NWD1: variants seen among roughly 807,000 people sequenced by gnomAD.
NWD1 encodes NACHT domain- and WD repeat-containing protein 1.
A neutral mutation model predicts 135.1 loss-of-function variants in NWD1; 129 were observed. The ratio of observed to expected loss-of-function variants is 0.96; its 90% CI spans 0.83 to 1.11. The LOEUF is 1.11. Among genes scored for constraint, NWD1 ranks in the 50% least tolerant of loss-of-function variants. NWD1 has a pLI of 0.00. For missense variants in NWD1, 1,740 were observed against 1,851.3 expected (o/e 0.94, Z 1.10); for synonymous variants, 773 against 786.0 (o/e 0.98, Z 0.28).
chr19:16,731,109 A>G (rs1967541943), intron 2 of NWD1, 83 bp from the exon 3 acceptor site: 1 of 715,338 alleles, frequency 1.4e-6, no homozygotes, highest in Middle Eastern at 2.4e-4. Flanking sequence ...ACAAAAGTAA[A>G]TCAATAAAAT....
Position 16,800,027 on chromosome 19 carries a change from G to T in NWD1, c.3601G>T (p.Asp1201Tyr). 6.2e-7 allele frequency: 1 copy of T among 1,614,212 alleles called. No individual in the cohort carries two copies. Among genetic ancestry groups the T allele is most frequent in the Non-Finnish European group, 8.5e-7 (1 of 1,180,038 alleles). The change falls in exon 17 of 19, where the codon GAT (aspartate) becomes TAT (tyrosine). Residue 1201 changes from aspartate to tyrosine, a missense_variant. Coordinates refer to ENST00000524140, the MANE Select transcript of NWD1 (RefSeq NM_001007525.5). ...SSSFKVWDLS[D>Y]AHRSRVPAPF... ...ATCTTTCAAGGTCTGGGATCTCAGCGATGCTCATAGGTCCCGGGTGCCTGC... is the reference window on the plus strand; with the variant it reads ...ATCTTTCAAGGTCTGGGATCTCAGCTATGCTCATAGGTCCCGGGTGCCTGC...
intron 6 of NWD1, among the ~76,000 whole-genome samples, chr19:16,752,459 C>T (rs1338890059): frequency 6.6e-6 from 1 of 151,764 alleles, no homozygotes; most frequent in Non-Finnish European, 1.5e-5. Context: ...AGTTTGAGAC[C>T]AGCCTAGACA....
At chr19:16,744,861 GA>G in intron 5 of NWD1, 143 bp downstream of exon 5, 2 of 720,996 alleles carry the variant, frequency 2.8e-6, no homozygotes, top group Non-Finnish European at 4.8e-6. Flanking sequence ...TCGGCTCTGA[GA>G]AAGGCTGTTT....
At chr19:16,803,345 C>G (rs1291389109) in intron 17 of NWD1, among the ~76,000 whole-genome samples, 1 of 152,032 alleles carries the variant, frequency 6.6e-6, no homozygotes, top group Non-Finnish European at 1.5e-5. Context: ...TAGACAGGCC[C>G]CAGCTCCTAA....
intron 7 of NWD1, 141 bp downstream of exon 7, chr19:16,759,569 T>C (rs1968931024): frequency 2.0e-5 from 13 of 660,130 alleles, no homozygotes; most frequent in Middle Eastern, 4.1e-4. Context: ...TCTGACACAA[T>C]TCACTTATTT....
chr19:16,809,161 C>T (rs1239969923), intron 18 of NWD1, among the ~76,000 whole-genome samples: 1 of 151,638 alleles, frequency 6.6e-6, no homozygotes, highest in African/African-American at 2.4e-5. Context: ...GCCATCTCAG[C>T]TCACTGCAGC....
intron 6 of NWD1, among the ~76,000 whole-genome samples, chr19:16,754,952 A>T (rs1968732061): frequency 2.6e-5 from 4 of 152,198 alleles, no homozygotes; most frequent in Admixed American, 2.6e-4. Context: ...TGTCCCATCG[A>T]TAAATATGTA....
At chr19:16,740,140 A>G (rs936504044) in intron 4 of NWD1, among the ~76,000 whole-genome samples, 1 of 151,744 alleles carries the variant, frequency 6.6e-6, no homozygotes, top group Non-Finnish European at 1.5e-5. Flanking sequence ...CTAAAAAAAA[A>G]AAAAGAACAG....
At chr19:16,740,496 T>C (rs1335344435) in intron 4 of NWD1, among the ~76,000 whole-genome samples, 1 of 151,852 alleles carries the variant, frequency 6.6e-6, no homozygotes, top group Non-Finnish European at 1.5e-5. Context: ...CTACCACACC[T>C]GGCTAATTTT....
intron 14 of NWD1, among the ~76,000 whole-genome samples, chr19:16,791,993 C>T (rs1311721919): frequency 6.6e-6 from 1 of 152,178 alleles, no homozygotes; most frequent in Non-Finnish European, 1.5e-5. Context: ...GGATTACAGG[C>T]ATGAGCCACC....
chr19:16,795,483 CT>C (rs1188845961), intron 15 of NWD1, among the ~76,000 whole-genome samples: 1 of 145,170 alleles, frequency 6.9e-6, no homozygotes, highest in African/African-American at 2.6e-5. Flanking sequence ...GTGGTATGAT[CT>C]CAGCTCACTG....
At position 16,817,210 on chromosome 19, in the gene NWD1, G is replaced by T. The variant is rs1436593535; in HGVS notation, c.*2171G>T. On this transcript the variant is annotated 3_prime_UTR_variant, in exon 19 of 19. Transcript: ENST00000524140. ...AGTTACTCAGGAGGCTGAGTCAGGA[G>T]AATCACTTGAACCCGGGAGGCGGAG... 1 of 152,286 alleles carries T rather than the reference G, an allele frequency of 6.6e-6. No homozygotes were observed. The highest frequency in any genetic ancestry group is 1.5e-5 in the Non-Finnish European group (1 of 68,126). 9.4% of individuals were successfully genotyped at this position (152,286 alleles called of 1,614,324 possible).
intron 17 of NWD1, among the ~76,000 whole-genome samples, chr19:16,807,183 AAAAAG>A (rs1327125232): frequency 2.0e-5 from 3 of 151,384 alleles, no homozygotes; most frequent in South Asian, 2.1e-4. Flanking sequence ...AAAAAAAAAA[AAAAAG>A]AAAGAAAGAA....
chr19:16,796,952 G>A (rs1970435252), intron 15 of NWD1, among the ~76,000 whole-genome samples: 1 of 152,134 alleles, frequency 6.6e-6, no homozygotes, highest in Non-Finnish European at 1.5e-5. Context: ...TCCGAGGTGG[G>A]CGGATCACTT....
At chr19:16,787,309 A>G (rs1307262830) in intron 12 of NWD1, among the ~76,000 whole-genome samples, 1 of 152,080 alleles carries the variant, frequency 6.6e-6, no homozygotes, top group South Asian at 2.1e-4. Context: ...TTTTTGCAAG[A>G]TTATAAAAAT....
At chr19:16,736,369 A>G (rs1967819996) in intron 3 of NWD1, among the ~76,000 whole-genome samples, 1 of 151,950 alleles carries the variant, frequency 6.6e-6, no homozygotes, top group African/African-American at 2.4e-5. Context: ...AGCTGGGACT[A>G]CAGGTGCCCA....
intron 12 of NWD1, among the ~76,000 whole-genome samples, chr19:16,784,065 C>T (rs773253280): frequency 2.0e-5 from 3 of 152,024 alleles, no homozygotes; most frequent in South Asian, 4.2e-4. Flanking sequence ...ATTAGCTGGG[C>T]GTGGTGGTGC....
At chr19:16,796,539 G>C (rs1970421262) in intron 15 of NWD1, among the ~76,000 whole-genome samples, 1 of 152,142 alleles carries the variant, frequency 6.6e-6, no homozygotes, top group Non-Finnish European at 1.5e-5. Flanking sequence ...GGCTGTTTTT[G>C]GTTCAAAGGT....
At chr19:16,778,906 TTCTGGGGCTGAATCTTTC>T (rs1969756975) in intron 11 of NWD1, among the ~76,000 whole-genome samples, 1 of 152,192 alleles carries the variant, frequency 6.6e-6, no homozygotes, top group East Asian at 1.9e-4. Flanking sequence ...CATTGCTGAC[TTCTGGGGCTGAATCTTTC>T]TCTGGGATGG....
Sources: gnomAD v4.1 joint callset for allele counts (sites outside exome capture counted in the v4.1 genomes callset) on GRCh38, gnomAD v4.1.1 for gene constraint, MANE v1.5 for transcripts, NCBI Gene and HGNC (gene_info 2026-07-23, HGNC 2026-07-21) for gene names.